The following PPM1H variants were observed in gnomAD, a reference collection of about 807,000 sequenced individuals.
PPM1H encodes protein phosphatase 1H.
Under a neutral mutation model 54.9 loss-of-function variants are expected in PPM1H, and 27 were observed. The ratio of observed to expected loss-of-function variants is 0.49; its 90% CI spans 0.36 to 0.68. The LOEUF is 0.68. PPM1H is among the 30% of genes least tolerant of loss of function. The pLI is 0.00. For missense variants in PPM1H, 596 were observed against 667.8 expected (o/e 0.89, Z 1.19); for synonymous variants, 305 against 270.8 (o/e 1.13, Z -1.24).
At chr12:62,846,745 T>C (rs1325048405) in intron 1 of PPM1H, among the ~76,000 whole-genome samples, 1 of 152,166 alleles carries the variant, frequency 6.6e-6, no homozygotes. Context: ...ACATCCCTTG[T>C]CCTTCAGTAT....
intron 1 of PPM1H, among the ~76,000 whole-genome samples, chr12:62,888,945 T>C (rs1565820639): frequency 6.6e-6 from 1 of 152,150 alleles, no homozygotes; most frequent in East Asian, 1.9e-4. Flanking sequence ...ATGTGGAACT[T>C]CAAAAAGTTG....
At chr12:62,685,018 C>T (rs974237801) in intron 8 of PPM1H, among the ~76,000 whole-genome samples, 5 of 152,240 alleles carry the variant, frequency 3.3e-5, no homozygotes, top group Admixed American at 2.6e-4. Context: ...AGTTCCACCC[C>T]CTCCCCCCGC....
rs1279992413 is a variant in PPM1H, at chr12:62,934,946, C to G, written c.-210G>C. ...GTGCCGCGGTGGCCGCCGCCTCCCCCCGCTACACTTCCGCAACGGAGCTGC... is the reference window on the plus strand; with the variant it reads ...GTGCCGCGGTGGCCGCCGCCTCCCCGCGCTACACTTCCGCAACGGAGCTGC... On this transcript the variant is annotated 5_prime_UTR_variant, in exon 1 of 10. Transcript: ENST00000228705. The surrounding 1 kb of genome is among the most constrained non-coding windows in gnomAD (Gnocchi z 4.2). The G allele has an allele frequency of 1.9e-5, 6 of 317,966 alleles. No homozygotes were observed. Among genetic ancestry groups the G allele is most frequent in the Admixed American group, 1.0e-4 (2 of 19,296 alleles). The allele number at this position is 317,966 out of a possible 1,614,324, so 19.7% of individuals were successfully genotyped here. A position where few individuals can be genotyped will look rare whatever the true frequency, so the allele number is the denominator to read the frequency against.
intron 2 of PPM1H, among the ~76,000 whole-genome samples, chr12:62,817,137 G>GAAAAAAAAAAAAAAAAAAAAAAAAAAAA (rs748440124): frequency 9.1e-4 from 61 of 67,254 alleles, no homozygotes; most frequent in Non-Finnish European, 1.2e-3. Flanking sequence ...AAAAAAAAAA[G>GAAAAAAAAAAAAAAAAAAAAAAAAAAAA]AAAAAAAAAA....
In PPM1H at chr12:62,683,936, C is replaced by T. The variant is rs1482718310; in HGVS notation, c.1245+5763G>A. Among the ~76,000 whole-genome samples the T allele has an allele frequency of 3.3e-5, 5 of 152,144 alleles. No individual in the cohort carries two copies. The East Asian group carries it at 5.8e-4, about 18-fold the overall frequency. ...AGCCTGTGCTGGGCTGTCTGAGTTA[C>T]AGAACAGGAGATGTGTGCTGGACTG... is the stretch of plus-strand genomic sequence containing the variant. On this transcript the variant is annotated intron_variant, in intron 8 of 9. Coordinates refer to ENST00000228705, the MANE Select transcript of PPM1H (RefSeq NM_020700.2).
chr12:62,701,545 C>T (rs1009316311), intron 6 of PPM1H, among the ~76,000 whole-genome samples: 6 of 152,228 alleles, frequency 3.9e-5, no homozygotes, highest in Non-Finnish European at 7.3e-5. Context: ...TCACTCTCCA[C>T]CTTAAAGTTC....
intron 5 of PPM1H, among the ~76,000 whole-genome samples, chr12:62,729,556 C>T (rs2120496411): frequency 6.6e-6 from 1 of 152,320 alleles, no homozygotes; most frequent in South Asian, 2.1e-4. Context: ...AAATTGAACA[C>T]ACCTGTGTAG....
chr12:62,651,914 C>T (rs967344774), intron 9 of PPM1H, among the ~76,000 whole-genome samples: 1 of 152,192 alleles, frequency 6.6e-6, no homozygotes, highest in African/African-American at 2.4e-5. Flanking sequence ...CTTTCTGGGG[C>T]TCCCATGCCA....
chr12:62,702,285 C>T (rs974846257), intron 6 of PPM1H, among the ~76,000 whole-genome samples: 2 of 152,160 alleles, frequency 1.3e-5, no homozygotes, highest in African/African-American at 2.4e-5. Context: ...CTTAGTACCA[C>T]GTCAGAATGG....
chr12:62,830,545 G>C (rs541214946), intron 2 of PPM1H, among the ~76,000 whole-genome samples: 4 of 151,878 alleles, frequency 2.6e-5, no homozygotes, highest in East Asian at 2.0e-4. Context: ...GTGAGCCACC[G>C]CACCCAGCCT....
intron 8 of PPM1H, among the ~76,000 whole-genome samples, chr12:62,678,641 C>A (rs1399309095): frequency 6.6e-6 from 1 of 152,088 alleles, no homozygotes; most frequent in Non-Finnish European, 1.5e-5. Context: ...TGAAGTCTCT[C>A]CCATGTAAGG....
chr12:62,759,484 C>T (rs948907770), intron 4 of PPM1H, among the ~76,000 whole-genome samples: 99 of 152,306 alleles, frequency 6.5e-4, no homozygotes, highest in African/African-American at 2.2e-3. Context: ...CTGGTAGAGA[C>T]AAAGGAGACA....
intron 1 of PPM1H, among the ~76,000 whole-genome samples, chr12:62,915,276 C>A (rs1275094975): frequency 6.6e-6 from 1 of 152,194 alleles, no homozygotes; most frequent in African/African-American, 2.4e-5. Flanking sequence ...TTCAGTGGCT[C>A]TTTATTTCTT....
intron 1 of PPM1H, among the ~76,000 whole-genome samples, chr12:62,888,254 G>A (rs1425967828): frequency 6.6e-6 from 1 of 152,086 alleles, no homozygotes; most frequent in Non-Finnish European, 1.5e-5. Context: ...ATAAAATGGA[G>A]GGAGAGGCAG....
chr12:62,890,070 A>T (rs1026570482), intron 1 of PPM1H, among the ~76,000 whole-genome samples: 1 of 152,318 alleles, frequency 6.6e-6, no homozygotes, highest in Non-Finnish European at 1.5e-5. Flanking sequence ...AACTCTTAAA[A>T]CTCAACAATA....
chr12:62,727,655 T>C (rs1173475924), intron 5 of PPM1H, among the ~76,000 whole-genome samples: 1 of 147,634 alleles, frequency 6.8e-6, no homozygotes, highest in Non-Finnish European at 1.5e-5. Context: ...ATTATTATTA[T>C]TATTATTATT....
At chr12:62,933,001 C>CT (rs1485482491) in intron 1 of PPM1H, among the ~76,000 whole-genome samples, 2 of 152,004 alleles carry the variant, frequency 1.3e-5, no homozygotes, top group African/African-American at 4.8e-5. Flanking sequence ...TTGGCAGGCT[C>CT]TTTTTTCTCC....
chr12:62,767,027 A>G (rs927000512), intron 4 of PPM1H, among the ~76,000 whole-genome samples: 1 of 152,178 alleles, frequency 6.6e-6, no homozygotes, highest in African/African-American at 2.4e-5. Context: ...GGGAAGCAGA[A>G]TGATCAAGTG....
chr12:62,685,509 G>C (rs1344774995), intron 8 of PPM1H, among the ~76,000 whole-genome samples: 2 of 152,140 alleles, frequency 1.3e-5, no homozygotes, highest in Non-Finnish European at 2.9e-5. Flanking sequence ...AACTTTGGGG[G>C]TTATTTTACT....
Sources: allele counts gnomAD v4.1 joint callset (sites outside exome capture counted in the v4.1 genomes callset), GRCh38; gene constraint gnomAD v4.1.1; non-coding constraint Gnocchi (gnomAD v3.1); transcripts MANE v1.5; gene names NCBI Gene and HGNC (gene_info 2026-07-23, HGNC 2026-07-21).